Variants in CLVS2 observed in about 807,000 individuals in gnomAD.
CLVS2 encodes the protein clavesin-2.
CLVS2 carries 19 observed loss-of-function variants against 29.0 expected under a neutral mutation model. That is an observed-to-expected ratio of 0.66 (90% confidence interval 0.46 to 0.96). The LOEUF (loss-of-function observed/expected upper bound fraction) is 0.96. Among genes scored for constraint, CLVS2 ranks in the 40% least tolerant of loss-of-function variants. The pLI, the probability that CLVS2 is intolerant of heterozygous loss-of-function variation, is 0.00. For missense variants in CLVS2, 294 were observed against 404.1 expected (o/e 0.73, Z 2.34); for synonymous variants, 161 against 151.3 (o/e 1.06, Z -0.47).
chr6:123,067,051 G>A lies in CLVS2; in HGVS notation c.*3290G>A, dbSNP rs1772873975. The stretch of plus-strand genomic sequence containing the variant: ...CATTTCAGTAATGGTTTGCATAAGT[G>A]TAGACAGAGATATTTCCTAAGTTTT... On this transcript the variant is annotated 3_prime_UTR_variant, in exon 6 of 6. Coordinates refer to ENST00000275162, the MANE Select transcript of CLVS2 (RefSeq NM_001010852.4). 1 of 151,746 alleles carries A rather than the reference G, an allele frequency of 6.6e-6. No individual in the cohort carries two copies. The highest frequency in any genetic ancestry group is 1.5e-5 in the Non-Finnish European group (1 of 67,758). 9.4% of individuals were successfully genotyped at this position (151,746 alleles called of 1,614,324 possible).
intron 3 of CLVS2, among the ~76,000 whole-genome samples, chr6:123,018,273 G>C (rs540399544): frequency 2.6e-5 from 4 of 152,116 alleles, no homozygotes; most frequent in Admixed American, 1.3e-4. Flanking sequence ...CAATGTAAAT[G>C]CATCTTGATG....
At chr6:123,059,663 C>A (rs781765424) in intron 5 of CLVS2, among the ~76,000 whole-genome samples, 17 of 152,108 alleles carry the variant, frequency 1.1e-4, no homozygotes, top group Non-Finnish European at 1.8e-4. Flanking sequence ...TTCAAGCAGC[C>A]AAAACTGACT....
At chr6:123,019,911 G>A (rs1372871797) in intron 3 of CLVS2, among the ~76,000 whole-genome samples, 2 of 151,972 alleles carry the variant, frequency 1.3e-5, no homozygotes, top group African/African-American at 4.8e-5. Context: ...TTCAAAGGCA[G>A]GAGATGATCA....
intron 5 of CLVS2, among the ~76,000 whole-genome samples, chr6:123,056,234 G>A (rs759221132): frequency 3.3e-5 from 5 of 151,960 alleles, no homozygotes; most frequent in East Asian, 3.9e-4. Context: ...TTCTCTTAGC[G>A]GTTTTCAAAT....
intron 2 of CLVS2, among the ~76,000 whole-genome samples, chr6:123,006,846 T>G (rs752383002): frequency 2.5e-4 from 38 of 152,136 alleles, no homozygotes; most frequent in Admixed American, 9.2e-4. Flanking sequence ...AGTGCATGAT[T>G]TGGTAACTCC....
At chr6:123,021,323 C>G (rs781178466) in intron 3 of CLVS2, among the ~76,000 whole-genome samples, 20 of 151,948 alleles carry the variant, frequency 1.3e-4, no homozygotes, top group Non-Finnish European at 2.6e-4. Context: ...GCTGAAATCT[C>G]TCTGTAAAAG....
chr6:123,004,667 C>G lies in CLVS2; in HGVS notation c.390-6318C>G, dbSNP rs182712618. 1.2e-4 allele frequency among the ~76,000 whole-genome samples: 18 copies of G among 152,234 alleles called. No individual in the cohort carries two copies. The East Asian group carries it at 3.3e-3, about 28-fold the overall frequency. ...GTGGCTCACGCCTGTAATGCCAGCA[C>G]TTTGGGAGGCCAAGGCGTGTAGATC... is the stretch of plus-strand genomic sequence containing the variant. On this transcript the variant is annotated intron_variant, in intron 2 of 5. Coordinates refer to ENST00000275162, the MANE Select transcript of CLVS2 (RefSeq NM_001010852.4).
At chr6:123,024,613 A>T (rs1031868938) in intron 3 of CLVS2, among the ~76,000 whole-genome samples, 1 of 152,136 alleles carries the variant, frequency 6.6e-6, no homozygotes, top group Non-Finnish European at 1.5e-5. Context: ...CATACCCTGG[A>T]GGGTTCAATA....
chr6:123,004,593 C>T (rs1329977389), intron 2 of CLVS2, among the ~76,000 whole-genome samples: 1 of 152,176 alleles, frequency 6.6e-6, no homozygotes, highest in Non-Finnish European at 1.5e-5. Flanking sequence ...CTCCTATTTT[C>T]TGACATATAT....
rs532295578 is a variant in CLVS2 at position 123,048,480 on chromosome 6, G to T, written c.565-142G>T. 3.0e-4 allele frequency: 171 copies of T among 567,594 alleles called. 3 individuals are homozygous for T. The South Asian group carries it at 4.2e-3, about 14-fold the overall frequency. 35.2% of individuals were successfully genotyped at this position (567,594 alleles called of 1,614,324 possible). A position where few individuals can be genotyped will look rare whatever the true frequency, so the allele number is the denominator to read the frequency against. ...AAAGTACAATGTTTAACGTGGTAAG[G>T]TTCTTCTTTTCTCTCCTTAACTCCA... On this transcript the variant is annotated intron_variant, in intron 3 of 5. Coordinates refer to ENST00000275162, the MANE Select transcript of CLVS2 (RefSeq NM_001010852.4).
At chr6:123,004,164 G>GCTTAGAGTAC (rs1774630197) in intron 2 of CLVS2, among the ~76,000 whole-genome samples, 1 of 152,180 alleles carries the variant, frequency 6.6e-6, no homozygotes, top group South Asian at 2.1e-4. Flanking sequence ...CTAGATGTTT[G>GCTTAGAGTAC]CTTAGAGTAC....
intron 2 of CLVS2, among the ~76,000 whole-genome samples, chr6:123,010,457 T>C (rs1305222308): frequency 6.6e-6 from 1 of 152,206 alleles, no homozygotes; most frequent in East Asian, 1.9e-4. Context: ...CTTTTATTTA[T>C]ATTTATCTCC....
chr6:123,061,191 C>T lies in CLVS2; in HGVS notation c.897-2483C>T, dbSNP rs558398896. ...TGGTGCACGCTTGTAATCCTGGCTA[C>T]TTGGGGGAGGTGGGAGCATCAGTTG... On this transcript the variant is annotated intron_variant, in intron 5 of 5. Coordinates refer to ENST00000275162, the MANE Select transcript of CLVS2 (RefSeq NM_001010852.4). Among the ~76,000 whole-genome samples the T allele has an allele frequency of 2.6e-5, 4 of 152,108 alleles. No homozygotes were observed. In the South Asian group the frequency reaches 8.3e-4, roughly 32 times the overall value.
chr6:123,024,958 T>G (rs564235970), intron 3 of CLVS2, among the ~76,000 whole-genome samples: 120 of 152,190 alleles, frequency 7.9e-4, no homozygotes, highest in African/African-American at 2.7e-3. Context: ...AGGGCAGCTA[T>G]CCCAATATAC....
At chr6:123,062,411 A>G (rs1185258747) in intron 5 of CLVS2, among the ~76,000 whole-genome samples, 1 of 151,958 alleles carries the variant, frequency 6.6e-6, no homozygotes, top group African/African-American at 2.4e-5. Context: ...TTATATTCAT[A>G]TCTTATCCTA....
At chr6:123,021,769 T>A (rs1160233656) in intron 3 of CLVS2, among the ~76,000 whole-genome samples, 1 of 152,114 alleles carries the variant, frequency 6.6e-6, no homozygotes. Context: ...GGGGATGAGA[T>A]GCCTTATTAC....
At chr6:123,045,571 T>C (rs1188759305) in intron 3 of CLVS2, among the ~76,000 whole-genome samples, 1 of 152,156 alleles carries the variant, frequency 6.6e-6, no homozygotes, top group Non-Finnish European at 1.5e-5. Flanking sequence ...TTTGGTCCCT[T>C]AAATCTTGCT....
intron 2 of CLVS2, among the ~76,000 whole-genome samples, chr6:123,010,519 A>G (rs1774733016): frequency 6.6e-6 from 1 of 152,056 alleles, no homozygotes; most frequent in South Asian, 2.1e-4. Context: ...CAAACTCAAT[A>G]CAAGTAATTT....
At chr6:123,039,262 G>A (rs1370478996) in intron 3 of CLVS2, among the ~76,000 whole-genome samples, 1 of 152,152 alleles carries the variant, frequency 6.6e-6, no homozygotes, top group Non-Finnish European at 1.5e-5. Context: ...TCAAGTAGGA[G>A]ACCCAATCCA....
Sources: gnomAD v4.1 joint callset for allele counts (sites outside exome capture counted in the v4.1 genomes callset) on GRCh38, gnomAD v4.1.1 for gene constraint, MANE v1.5 for transcripts, NCBI Gene and HGNC (gene_info 2026-07-23, HGNC 2026-07-21) for gene names.